ANKHD1: variants seen among roughly 807,000 people sequenced by gnomAD.
ANKHD1 encodes ankyrin repeat and KH domain-containing protein 1.
A neutral mutation model predicts 230.5 loss-of-function variants in ANKHD1; 31 were observed. The observed-to-expected ratio is 0.13, with a 90% confidence interval of 0.10 to 0.18. The LOEUF (loss-of-function observed/expected upper bound fraction) is 0.18, where lower values mean the gene tolerates loss of function less well. ANKHD1 is among the 10% of genes least tolerant of loss of function. ANKHD1 has a pLI of 1.00. For missense variants in ANKHD1, 2,256 were observed against 3,071.3 expected, an observed-to-expected ratio of 0.73 and a Z score of 6.27; for synonymous variants, 1,074 against 1,117.6, an observed-to-expected ratio of 0.96 and a Z score of 0.78.
Position 140,485,427 on chromosome 5 carries a change from C to CACAT in ANKHD1, c.1999-162_1999-161insACAT, listed in dbSNP as rs1554090723. 6.8e-6 allele frequency among the ~76,000 whole-genome samples: 1 copy of CACAT among 146,550 alleles called. No homozygotes were observed. Among genetic ancestry groups the CACAT allele is most frequent in the Non-Finnish European group, 1.5e-5 (1 of 65,424 alleles). On this transcript the variant is annotated intron_variant, in intron 12 of 33. Transcript: ENST00000360839. This position sits in a 1 kb window ranked among gnomAD's most constrained non-coding sequence, Gnocchi z 4.8. ...ACACACACACACACACACACACACA[C>CACAT]GTATGTATGTGTATATATATATAAA...
At chr5:140,516,814 G>A (rs1292092919) in intron 24 of ANKHD1, among the ~76,000 whole-genome samples, 16 of 151,320 alleles carry the variant, frequency 1.1e-4, no homozygotes, top group East Asian at 1.9e-4. Context: ...AGGAACAACC[G>A]GTACCAGCCG....
rs555437655 is a variant in ANKHD1 at position 140,464,532 on chromosome 5, G to T, written c.1673-135G>T. On this transcript the variant is annotated intron_variant, in intron 9 of 33. Transcript: ENST00000360839. ...ATTATTTTTATAAAGCATATTTAAA[G>T]GAAAACTAGTATACTTAAAATGCAT... is the stretch of plus-strand genomic sequence containing the variant. The T allele has an allele frequency of 5.9e-6, 4 of 678,210 alleles. No individual in the cohort carries two copies. In the South Asian group the frequency reaches 1.7e-4, roughly 29 times the overall value. 42.0% of individuals were successfully genotyped at this position (678,210 alleles called of 1,614,324 possible).
chr5:140,538,130 A>T lies in ANKHD1; in HGVS notation c.7273A>T (p.Met2425Leu). The change falls in exon 32 of 34, where the codon ATG (methionine) becomes TTG (leucine). Residue 2425 changes from methionine (M) to leucine (L), a missense_variant. Met to Leu is a conservative substitution (Grantham distance 15, BLOSUM62 2). Coordinates refer to ENST00000360839, the MANE Select transcript of ANKHD1 (RefSeq NM_017747.3). ...WSQSVMGNHPMHQQLSDPSTF... is the reference protein window; with the variant it reads ...WSQSVMGNHPLHQQLSDPSTF... ...GCAATCTGTGATGGGGAACCATCCAATGCATCAACAATTATCAGACCCAAG... is the reference window on the plus strand; with the variant it reads ...GCAATCTGTGATGGGGAACCATCCATTGCATCAACAATTATCAGACCCAAG... 1.2e-6 allele frequency: 2 copies of T among 1,614,062 alleles called. No individual in the cohort carries two copies. Among genetic ancestry groups the T allele is most frequent in the Non-Finnish European group, 1.7e-6 (2 of 1,179,968 alleles).
At chr5:140,537,261 A>T (rs1471972053) in intron 30 of ANKHD1, 128 bp from the exon 31 acceptor site, 2 of 1,426,840 alleles carry the variant, frequency 1.4e-6, no homozygotes, top group African/African-American at 2.9e-5. Flanking sequence ...TGTGGAATAG[A>T]TCTTTCCAAC....
Position 140,528,773 on chromosome 5 carries a change from G to T in ANKHD1, c.5827G>T (p.Ala1943Ser). Residue 1943 changes from alanine to serine, a missense_variant, in exon 29 of 34, where the codon GCC (alanine) becomes TCC (serine). This residue lies in a region of ANKHD1 where 778 missense variants were observed against 966.5 expected (regional missense o/e 0.80). Coordinates refer to ENST00000360839, the MANE Select transcript of ANKHD1 (RefSeq NM_017747.3). ...CPITVSSVVAASQQLCVTNTR... is the reference protein window; with the variant it reads ...CPITVSSVVASSQQLCVTNTR... ...TATCACTGTCTCTTCTGTAGTTGCT[G>T]CCAGTCAGCAACTGTGTGTCACTAA... 1 of 1,614,118 alleles carries T rather than the reference G, an allele frequency of 6.2e-7. No individual in the cohort carries two copies. Among genetic ancestry groups the T allele is most frequent in the Non-Finnish European group, 8.5e-7 (1 of 1,180,046 alleles).
Position 140,507,008 on chromosome 5 carries a change from T to TAAA in ANKHD1, c.3551+32_3551+33insAAA. The TAAA allele has an allele frequency of 1.2e-6, 2 of 1,608,518 alleles. No individual in the cohort carries two copies. Among genetic ancestry groups the TAAA allele is most frequent in the East Asian group, 4.5e-5 (2 of 44,820 alleles). On this transcript the variant is annotated intron_variant, in intron 19 of 33. Transcript: ENST00000360839. This position sits in a 1 kb window ranked among gnomAD's most constrained non-coding sequence, Gnocchi z 4.1. ...GCCTGTTCATTTTATTGTTCATGTT[T>TAAA]AGTAAGTTACTACTTTGGACTTAAA...
chr5:140,470,611 C>CTTTTTTTT (rs386405120), intron 10 of ANKHD1, among the ~76,000 whole-genome samples: 21 of 71,774 alleles, frequency 2.9e-4, no homozygotes, highest in East Asian at 4.6e-4. Flanking sequence ...CTTGTTTCTG[C>CTTTTTTTT]TTTTTTTTTT....
At chr5:140,445,694 T>C in intron 5 of ANKHD1, 48 bp from the exon 6 acceptor site, 1 of 1,341,268 alleles carries the variant, frequency 7.5e-7, no homozygotes, top group Non-Finnish European at 9.7e-7. Flanking sequence ...TTTTATTTTT[T>C]AAATATATAT....
chr5:140,465,102 C>T, intron 10 of ANKHD1: 1 of 162,312 alleles, frequency 6.2e-6, no homozygotes, highest in Non-Finnish European at 1.3e-5. Flanking sequence ...AATAGAGTAA[C>T]AAGTCAAGTC....
At chr5:140,519,276 A>C (rs1753201426) in intron 24 of ANKHD1, among the ~76,000 whole-genome samples, 2 of 152,230 alleles carry the variant, frequency 1.3e-5, no homozygotes, top group African/African-American at 4.8e-5. Context: ...GTGAAATAAA[A>C]GAGGATACAA....
At chr5:140,479,404 T>C (rs1332456527) in intron 10 of ANKHD1, among the ~76,000 whole-genome samples, 1 of 152,122 alleles carries the variant, frequency 6.6e-6, no homozygotes, top group Admixed American at 6.6e-5. Flanking sequence ...TTTTCTGCGT[T>C]TATGAAGGGA....
chr5:140,528,735 C>T lies in ANKHD1; in HGVS notation c.5789C>T (p.Thr1930Ile). 6.2e-7 allele frequency: 1 copy of T among 1,614,238 alleles called. No individual in the cohort carries two copies. Among genetic ancestry groups the T allele is most frequent in the Non-Finnish European group, 8.5e-7 (1 of 1,180,052 alleles). ...CCCTCAGAGTCTGCTGGACTAGCTACTGCCAGTTGTCCTATCACTGTCTCT... is the reference window on the plus strand; with the variant it reads ...CCCTCAGAGTCTGCTGGACTAGCTATTGCCAGTTGTCCTATCACTGTCTCT... ...VLPSESAGLA[T>I]ASCPITVSSV... is the part of the protein sequence containing the mutation. Residue 1930 changes from threonine (T) to isoleucine (I), a missense_variant, in exon 29 of 34, where the codon ACT (threonine) becomes ATT (isoleucine). Thr to Ile is a moderately conservative substitution (Grantham distance 89). Around this residue, in one of 13 missense-constraint regions of ANKHD1, gnomAD observed 778 missense variants for 966.5 expected, o/e 0.80. Transcript: ENST00000360839.
rs767354053 is a variant in ANKHD1 at position 140,537,653 on chromosome 5, A to G, written c.7228+64A>G. On this transcript the variant is annotated intron_variant, in intron 31 of 33. Coordinates refer to ENST00000360839, the MANE Select transcript of ANKHD1 (RefSeq NM_017747.3). ...AGTAAGCTGTAGGTTTGCCATTAAA[A>G]CTTAGTTCCTTAGAAAAAACAAACA... is the stretch of plus-strand genomic sequence containing the variant. 1.8e-4 allele frequency: 261 copies of G among 1,474,228 alleles called. 2 individuals carry two copies. Among genetic ancestry groups the G allele is most frequent in the Non-Finnish European group, 1.4e-4 (161 of 1,114,120 alleles). The allele number at this position is 1,474,228 out of a possible 1,614,324, so 91.3% of individuals were successfully genotyped here.
chr5:140,456,110 A>G (rs1177846326), intron 7 of ANKHD1, among the ~76,000 whole-genome samples: 2 of 152,204 alleles, frequency 1.3e-5, no homozygotes, highest in African/African-American at 2.4e-5. Context: ...CCCATTCACA[A>G]TTGCTTCAAA....
In ANKHD1 at chr5:140,535,412, C is replaced by T. The variant is rs760515406; in HGVS notation, c.6901C>T (p.Pro2301Ser). 3 of 1,613,586 alleles carry T rather than the reference C, an allele frequency of 1.9e-6. No individual in the cohort carries two copies. In the African/African-American group the frequency reaches 4.0e-5, roughly 22 times the overall value. ...SGSSPSSSSA[P>S]LASFSGIPGT... The stretch of plus-strand genomic sequence containing the variant: ...CAGCTCCCCATCTTCCTCTTCTGCT[C>T]CTCTGGCAAGTTTTTCCGGCATACC... The change falls in exon 30 of 34, where the codon CCT becomes TCT. Residue 2301 changes from proline to serine, a missense_variant. Physicochemically the swap from Pro to Ser is moderately conservative, Grantham distance 74. Transcript: ENST00000360839.
Position 140,528,791 on chromosome 5 carries a change from G to A in ANKHD1, c.5845G>A (p.Val1949Ile), listed in dbSNP as rs528365289. ...AGTTGCTGCCAGTCAGCAACTGTGT[G>A]TCACTAATACCCGGACTCCTTCATC... is the stretch of plus-strand genomic sequence containing the variant. The part of the protein sequence containing the change: ...SVVAASQQLC[V>I]TNTRTPSSVR... Residue 1949 changes from valine (V) to isoleucine (I), a missense_variant, in exon 29 of 34, where the codon GTC becomes ATC. This residue lies in a region of ANKHD1 where 778 missense variants were observed against 966.5 expected (regional missense o/e 0.80). Transcript: ENST00000360839. The A allele has an allele frequency of 4.3e-6, 7 of 1,614,072 alleles. No homozygotes were observed. Among genetic ancestry groups the A allele is most frequent in the South Asian group, 2.2e-5 (2 of 91,084 alleles).
chr5:140,421,668 G>GAC (rs1771995304), intron 1 of ANKHD1, among the ~76,000 whole-genome samples: 1 of 152,128 alleles, frequency 6.6e-6, no homozygotes. Context: ...CATACAGTTT[G>GAC]ACTTCCAAGC....
intron 20 of ANKHD1, 149 bp from the exon 21 acceptor site, chr5:140,509,488 A>C: frequency 1.1e-6 from 1 of 909,324 alleles, no homozygotes; most frequent in Non-Finnish European, 1.5e-6. Flanking sequence ...AATATTGCTT[A>C]GCTCTTTTAT....
At chr5:140,486,014 G>T (rs1581324939) in intron 13 of ANKHD1, 4 of 301,876 alleles carry the variant, frequency 1.3e-5, no homozygotes, top group Non-Finnish European at 1.8e-5. Flanking sequence ...GTTTTTCAGG[G>T]TTTTTTATTT....
Sources: gnomAD v4.1 joint callset for allele counts (sites outside exome capture counted in the v4.1 genomes callset) on GRCh38, gnomAD v4.1.1 for gene constraint, gnomAD v4.1.1 regional missense constraint, Gnocchi (gnomAD v3.1) non-coding constraint, MANE v1.5 for transcripts, NCBI Gene and HGNC (gene_info 2026-07-23, HGNC 2026-07-21) for gene names.